The following DPF3 variants were observed in gnomAD, a reference collection of about 807,000 sequenced individuals.
DPF3 encodes zinc finger protein DPF3.
DPF3 carries 18 observed loss-of-function variants against 56.8 expected under a neutral mutation model. The observed-to-expected ratio is 0.32, with a 90% CI of 0.22 to 0.47. The LOEUF is 0.47. DPF3 is among the 20% of genes least tolerant of loss of function. The probability of loss-of-function intolerance (pLI) is 1.00; values close to 1 mark genes in which losing one functional copy is unlikely to be tolerated. For missense variants in DPF3, 403 were observed against 488.8 expected, an observed-to-expected ratio of 0.82 and a Z score of 1.65; for synonymous variants, 188 against 180.2, an observed-to-expected ratio of 1.04 and a Z score of -0.35.
intron 1 of DPF3, among the ~76,000 whole-genome samples, chr14:72,884,971 T>TATAG (rs10523148): frequency 9.0e-6 from 1 of 111,686 alleles, no homozygotes; most frequent in Non-Finnish European, 1.9e-5. Flanking sequence ...TATATATATA[T>TATAG]TAGCCGGGCG....
At chr14:72,698,436 T>C (rs1382723692) in intron 6 of DPF3, among the ~76,000 whole-genome samples, 1 of 152,240 alleles carries the variant, frequency 6.6e-6, no homozygotes, top group African/African-American at 2.4e-5. Context: ...ACCAGCACTT[T>C]GAGGGGCCAA....
intron 5 of DPF3, among the ~76,000 whole-genome samples, chr14:72,716,159 A>G (rs1053368874): frequency 2.6e-5 from 4 of 151,730 alleles, no homozygotes; most frequent in Non-Finnish European, 4.4e-5. Flanking sequence ...AAATACCTCC[A>G]TGGGGAAGGG....
At chr14:72,727,820 G>C (rs537197159) in intron 4 of DPF3, among the ~76,000 whole-genome samples, 16 of 152,250 alleles carry the variant, frequency 1.1e-4, no homozygotes, top group East Asian at 5.8e-4. Context: ...TCAAATGAAT[G>C]AATGAATGAA....
chr14:72,807,476 G>A (rs144194636), intron 1 of DPF3, among the ~76,000 whole-genome samples: 2 of 152,150 alleles, frequency 1.3e-5, no homozygotes, highest in African/African-American at 2.4e-5. Context: ...CCTTTGACTC[G>A]GCTAGTTTTG....
At position 72,621,336 on chromosome 14, in the gene DPF3, G is replaced by GC. The variant is rs1164555637; in HGVS notation, c.985-1353dup. Among the ~76,000 whole-genome samples the GC allele has an allele frequency of 4.4e-3, 672 of 151,924 alleles. 8 individuals are homozygous for GC. The highest frequency in any genetic ancestry group is 0.016 in the African/African-American group (643 of 41,296). Reference sequence around the variant, plus strand: ...CTGCTCGGAAACTGTTTGTGATCTGGCCCCACCCCCTAGTTTCAGCTCTGT... The same window carrying GC: ...CTGCTCGGAAACTGTTTGTGATCTGGCCCCCACCCCCTAGTTTCAGCTCTGT... On this transcript the variant is annotated intron_variant, in intron 9 of 10. Transcript: ENST00000556509.
intron 7 of DPF3, among the ~76,000 whole-genome samples, chr14:72,679,930 G>A (rs986404372): frequency 2.6e-5 from 4 of 152,216 alleles, no homozygotes; most frequent in Non-Finnish European, 5.9e-5. Context: ...GGTGGACCCC[G>A]ACGTGCCTTC....
intron 1 of DPF3, among the ~76,000 whole-genome samples, chr14:72,874,912 G>A (rs1393295916): frequency 6.6e-6 from 1 of 152,156 alleles, no homozygotes; most frequent in Non-Finnish European, 1.5e-5. Flanking sequence ...TCACACAGCT[G>A]ATAAAGACAT....
intron 3 of DPF3, among the ~76,000 whole-genome samples, chr14:72,738,483 C>G (rs1275973302): frequency 6.6e-6 from 1 of 152,044 alleles, no homozygotes; most frequent in Non-Finnish European, 1.5e-5. Context: ...AGCATTCCCC[C>G]ACCCCGAGAT....
intron 4 of DPF3, among the ~76,000 whole-genome samples, chr14:72,731,030 G>A (rs1354529730): frequency 2.6e-5 from 4 of 152,088 alleles, no homozygotes; most frequent in Non-Finnish European, 5.9e-5. Flanking sequence ...CAGCCAGATG[G>A]TGGCACATGC....
chr14:72,883,012 G>A (rs1886378021), intron 1 of DPF3, among the ~76,000 whole-genome samples: 1 of 152,228 alleles, frequency 6.6e-6, no homozygotes, highest in Non-Finnish European at 1.5e-5. Context: ...GGGCAGGCAG[G>A]CAATCCATGT....
At chr14:72,640,076 A>AAAAAAAAAAAAAAAAAAAAAAAAAAAG (rs1885508087) in intron 8 of DPF3, among the ~76,000 whole-genome samples, 1 of 118,858 alleles carries the variant, frequency 8.4e-6, no homozygotes, top group Non-Finnish European at 1.9e-5. Flanking sequence ...AAAAAAAAAA[A>AAAAAAAAAAAAAAAAAAAAAAAAAAAG]AAAATGGAAA....
intron 2 of DPF3, among the ~76,000 whole-genome samples, chr14:72,768,444 C>T (rs1191618693): frequency 6.6e-6 from 1 of 152,084 alleles, no homozygotes; most frequent in Non-Finnish European, 1.5e-5. Context: ...AGTGGTTACA[C>T]AAATCTAGAC....
At chr14:72,835,154 G>A (rs1178370034) in intron 1 of DPF3, among the ~76,000 whole-genome samples, 1 of 151,984 alleles carries the variant, frequency 6.6e-6, no homozygotes, top group Non-Finnish European at 1.5e-5. Flanking sequence ...TGCAACCACC[G>A]CCTCCCGGGT....
intron 6 of DPF3, among the ~76,000 whole-genome samples, chr14:72,705,980 A>G (rs989720598): frequency 6.6e-6 from 1 of 152,200 alleles, no homozygotes; most frequent in Non-Finnish European, 1.5e-5. Flanking sequence ...CTGGGATCAA[A>G]TCTTGGCTCT....
At chr14:72,756,419 A>G (rs1175661791) in intron 2 of DPF3, among the ~76,000 whole-genome samples, 2 of 152,200 alleles carry the variant, frequency 1.3e-5, no homozygotes, top group African/African-American at 2.4e-5. Context: ...GGTTATGCAC[A>G]TTGCACAAGT....
intron 9 of DPF3, among the ~76,000 whole-genome samples, chr14:72,629,365 CTTAT>C (rs1885032940): frequency 6.6e-6 from 1 of 152,182 alleles, no homozygotes; most frequent in Non-Finnish European, 1.5e-5. Context: ...AAATTTTGCA[CTTAT>C]TATATTTAAC....
At chr14:72,757,725 G>A (rs1666660534) in intron 2 of DPF3, among the ~76,000 whole-genome samples, 1 of 152,120 alleles carries the variant, frequency 6.6e-6, no homozygotes, top group Non-Finnish European at 1.5e-5. Flanking sequence ...AGGAATATGG[G>A]AGAATGTGTG....
chr14:72,701,630 GC>G (rs1300543482), intron 6 of DPF3, among the ~76,000 whole-genome samples: 5 of 152,222 alleles, frequency 3.3e-5, no homozygotes, highest in Non-Finnish European at 7.3e-5. Flanking sequence ...AATCCTTCCT[GC>G]CGGGGAGAAG....
chr14:72,671,403 A>G, intron 8 of DPF3: 2 of 1,579,768 alleles, frequency 1.3e-6, no homozygotes, highest in South Asian at 1.1e-5. Flanking sequence ...TAATATTCTC[A>G]TTACATTATT....
Sources: gnomAD v4.1 joint callset for allele counts (sites outside exome capture counted in the v4.1 genomes callset) on GRCh38, gnomAD v4.1.1 for gene constraint, MANE v1.5 for transcripts, NCBI Gene and HGNC (gene_info 2026-07-23, HGNC 2026-07-21) for gene names.